COL19A1: variants seen among roughly 807,000 people sequenced by gnomAD.
COL19A1 encodes the protein collagen alpha-1(XIX) chain.
A neutral mutation model predicts 190.2 loss-of-function variants in COL19A1; 159 were observed. That is an observed-to-expected ratio of 0.84 (90% CI 0.73 to 0.95). The LOEUF is 0.95. COL19A1 is among the 40% of genes least tolerant of loss of function. The pLI is 0.00. For synonymous variants in COL19A1, 509 were observed against 458.9 expected (o/e 1.11, Z -1.39); for missense variants, 1,418 against 1,431.9 (o/e 0.99, Z 0.16).
rs1357772569 is a variant in COL19A1, at chr6:69,938,036, A to G, written c.874-2A>G. The stretch of plus-strand genomic sequence containing the variant: ...CTAACACAGATATGCATTTTTGCTC[A>G]GGGAGAAGCAGGATTACCAGGAGCT... On this transcript the variant is annotated splice_acceptor_variant, in intron 8 of 50. Coordinates refer to ENST00000620364, the MANE Select transcript of COL19A1 (RefSeq NM_001858.6). LOFTEE classifies it high-confidence loss of function. 1.1e-5 allele frequency: 17 copies of G among 1,612,334 alleles called. No homozygotes were observed. The highest frequency in any genetic ancestry group is 1.4e-5 in the Non-Finnish European group (17 of 1,178,942).
At chr6:69,944,911 CT>C (rs1773702628) in intron 9 of COL19A1, among the ~76,000 whole-genome samples, 1 of 151,874 alleles carries the variant, frequency 6.6e-6, no homozygotes, top group East Asian at 1.9e-4. Context: ...ATAATTAATA[CT>C]TTTCTTTCAT....
At chr6:69,956,581 A>G (rs909378461) in intron 9 of COL19A1, among the ~76,000 whole-genome samples, 1 of 152,030 alleles carries the variant, frequency 6.6e-6, no homozygotes, top group Non-Finnish European at 1.5e-5. Context: ...TTCAATTTCT[A>G]AAGATTATGG....
intron 11 of COL19A1, among the ~76,000 whole-genome samples, chr6:69,970,826 A>C (rs2150054669): frequency 6.6e-6 from 1 of 152,336 alleles, no homozygotes; most frequent in African/African-American, 2.4e-5. Context: ...GACTTAAAAA[A>C]TAAAGAGAAC....
At chr6:69,954,949 A>G (rs1416365175) in intron 9 of COL19A1, among the ~76,000 whole-genome samples, 2 of 152,120 alleles carry the variant, frequency 1.3e-5, no homozygotes, top group Non-Finnish European at 2.9e-5. Flanking sequence ...ATTGTCCTCA[A>G]TTAGGAGCTG....
At chr6:69,915,980 A>G (rs1223223713) in intron 4 of COL19A1, among the ~76,000 whole-genome samples, 1 of 132,996 alleles carries the variant, frequency 7.5e-6, no homozygotes, top group East Asian at 2.2e-4. Context: ...GCTGTCGCCC[A>G]GGCTGGAGTG....
At chr6:70,107,632 G>A (rs1482266067) in intron 16 of COL19A1, among the ~76,000 whole-genome samples, 1 of 152,110 alleles carries the variant, frequency 6.6e-6, no homozygotes, top group Non-Finnish European at 1.5e-5. Flanking sequence ...TCTCTTTACA[G>A]TTCTCCAAAA....
intron 16 of COL19A1, among the ~76,000 whole-genome samples, chr6:70,114,924 A>G (rs1417724954): frequency 2.6e-5 from 4 of 152,346 alleles, no homozygotes; most frequent in Middle Eastern, 3.4e-3. Context: ...GTATTGACCA[A>G]TGAATGAAAC....
chr6:69,897,124 T>A (rs1769833284), intron 2 of COL19A1, among the ~76,000 whole-genome samples: 1 of 152,242 alleles, frequency 6.6e-6, no homozygotes, highest in Non-Finnish European at 1.5e-5. Flanking sequence ...CATATTTATT[T>A]CTATGATTAT....
chr6:69,929,836 T>A (rs1772639495), intron 6 of COL19A1, 136 bp downstream of exon 6: 1 of 817,572 alleles, frequency 1.2e-6, no homozygotes, highest in Non-Finnish European at 1.8e-6. Context: ...TAATTTGCCG[T>A]CAGATGTGTG....
chr6:70,151,829 C>A (rs1038877220), intron 31 of COL19A1, among the ~76,000 whole-genome samples: 3 of 152,102 alleles, frequency 2.0e-5, no homozygotes, highest in Non-Finnish European at 2.9e-5. Context: ...ATCTTTCTCG[C>A]TATATCTGGC....
intron 11 of COL19A1, among the ~76,000 whole-genome samples, chr6:70,018,618 A>G (rs1165908600): frequency 6.6e-6 from 1 of 152,146 alleles, no homozygotes; most frequent in Non-Finnish European, 1.5e-5. Context: ...ACAAGGTCCG[A>G]GACAATGACT....
intron 4 of COL19A1, among the ~76,000 whole-genome samples, chr6:69,924,233 C>G (rs1289017293): frequency 6.6e-6 from 1 of 152,064 alleles, no homozygotes; most frequent in African/African-American, 2.4e-5. Context: ...GGTACATCTC[C>G]TAATGCTATC....
At chr6:69,925,873 T>C (rs1365263591) in intron 4 of COL19A1, among the ~76,000 whole-genome samples, 1 of 152,228 alleles carries the variant, frequency 6.6e-6, no homozygotes, top group Non-Finnish European at 1.5e-5. Context: ...TCACTCATGA[T>C]TTGGCTCTCT....
chr6:70,137,625 C>G lies in COL19A1; in HGVS notation c.1384-60C>G, dbSNP rs370086703. 7 of 1,454,280 alleles carry G rather than the reference C, an allele frequency of 4.8e-6. No homozygotes were observed. The African/African-American group carries it at 9.8e-5, about 20-fold the overall frequency. The allele number at this position is 1,454,280 out of a possible 1,614,324, so 90.1% of individuals were successfully genotyped here. A position where few individuals can be genotyped will look rare whatever the true frequency, so the allele number is the denominator to read the frequency against. ...GAGCAAGCAATCATTCTGTATCTGA[C>G]AGTCACAATAATGCTTCTCTAACCA... On this transcript the variant is annotated intron_variant, in intron 18 of 50. Transcript: ENST00000620364.
chr6:70,005,751 A>G (rs955668166), intron 11 of COL19A1, among the ~76,000 whole-genome samples: 4 of 152,152 alleles, frequency 2.6e-5, no homozygotes, highest in Admixed American at 6.5e-5. Context: ...CAGAACTACC[A>G]GGAGGAATGG....
chr6:69,993,557 G>A (rs1776739203), intron 11 of COL19A1, among the ~76,000 whole-genome samples: 1 of 151,296 alleles, frequency 6.6e-6, no homozygotes, highest in Admixed American at 6.6e-5. Flanking sequence ...TATTTGTCTA[G>A]TAGAATTGGC....
rs146394667 is a variant in COL19A1 at position 69,969,034 on chromosome 6, G to A, written c.1026+6164G>A. 3.4e-4 allele frequency among the ~76,000 whole-genome samples: 52 copies of A among 152,242 alleles called. No individual in the cohort carries two copies. The East Asian group carries it at 9.5e-3, about 28-fold the overall frequency. On this transcript the variant is annotated intron_variant, in intron 11 of 50. Transcript: ENST00000620364. ...CTGTGTGAACTTGGATATGTTCCTA[G>A]CTTTCTTTATCATAGTTTCCTCTTT...
Position 70,023,708 on chromosome 6 carries a change from C to T in COL19A1, c.1080+28C>T, listed in dbSNP as rs1320559462. On this transcript the variant is annotated intron_variant, in intron 12 of 50. Transcript: ENST00000620364. ...AAGCCTAACTCTTTTTTCTGATACT[C>T]TGTTTACATTTTACCACTAAGATAT... 5 of 1,591,322 alleles carry T rather than the reference C, an allele frequency of 3.1e-6. No individual in the cohort carries two copies. The Admixed American group carries it at 5.3e-5, about 17-fold the overall frequency.
intron 14 of COL19A1, among the ~76,000 whole-genome samples, chr6:70,065,460 A>G (rs955488581): frequency 6.6e-6 from 1 of 152,228 alleles, no homozygotes; most frequent in African/African-American, 2.4e-5. Context: ...AATTAATTCA[A>G]GATGGATTAA....
Sources: allele counts gnomAD v4.1 joint callset (sites outside exome capture counted in the v4.1 genomes callset), GRCh38; gene constraint gnomAD v4.1.1; transcripts MANE v1.5; gene names NCBI Gene and HGNC (gene_info 2026-07-23, HGNC 2026-07-21).